Variants in STXBP4 observed in about 807,000 individuals in gnomAD.
The protein encoded by STXBP4 is syntaxin-binding protein 4.
In STXBP4, 55 loss-of-function variants were observed where a neutral mutation model predicts 76.1. That is an observed-to-expected ratio of 0.72 (90% confidence interval 0.58 to 0.91). The LOEUF is 0.91. STXBP4 is among the 40% of genes least tolerant of loss of function. The probability of loss-of-function intolerance (pLI) is 0.00; values close to 1 mark genes in which losing one functional copy is unlikely to be tolerated. For synonymous variants in STXBP4, 201 were observed against 220.2 expected (o/e 0.91, Z 0.77); for missense variants, 618 against 636.9 (o/e 0.97, Z 0.32).
chr17:55,093,938 G>A (rs571358465), intron 16 of STXBP4, among the ~76,000 whole-genome samples: 5 of 152,156 alleles, frequency 3.3e-5, no homozygotes, highest in South Asian at 4.1e-4. Flanking sequence ...AATAGAAAAC[G>A]TAATTGTAGA....
In STXBP4 at chr17:55,085,999, T is replaced by A. The variant is rs373631402; in HGVS notation, c.1489+4816T>A. Among the ~76,000 whole-genome samples the A allele has an allele frequency of 1.5e-3, 222 of 152,278 alleles. 7 individuals carry two copies. The South Asian group carries it at 0.045, about 31-fold the overall frequency. ...TATATCAGACATTTTTATGTTGGGG[T>A]GGCAACAGTGGAGGGAAACACCTGC... On this transcript the variant is annotated intron_variant, in intron 16 of 17. Transcript: ENST00000376352.
At chr17:55,089,383 T>C (rs1467813426) in intron 16 of STXBP4, among the ~76,000 whole-genome samples, 2 of 152,352 alleles carry the variant, frequency 1.3e-5, no homozygotes, top group South Asian at 4.1e-4. Flanking sequence ...ATATGTATCA[T>C]TTAATGTTAT....
chr17:55,091,726 T>A lies in STXBP4; in HGVS notation c.1489+10543T>A, dbSNP rs368265133. On this transcript the variant is annotated intron_variant, in intron 16 of 17. Coordinates refer to ENST00000376352, the MANE Select transcript of STXBP4 (RefSeq NM_178509.6). ...GTGACCAGAATAGTGACACCTTTAC[T>A]TTCTGATGGTTCAATGATCACAAGT... 9.8e-5 allele frequency among the ~76,000 whole-genome samples: 15 copies of A among 152,322 alleles called. No homozygotes were observed. The East Asian group carries it at 2.3e-3, about 23-fold the overall frequency.
At chr17:55,117,454 T>C (rs2079794201) in intron 16 of STXBP4, among the ~76,000 whole-genome samples, 2 of 151,874 alleles carry the variant, frequency 1.3e-5, no homozygotes. Flanking sequence ...GTTAGGAAAC[T>C]GGATCAATTC....
chr17:54,974,078 G>C (rs1230151452), intron 1 of STXBP4, among the ~76,000 whole-genome samples: 1 of 152,094 alleles, frequency 6.6e-6, no homozygotes, highest in Non-Finnish European at 1.5e-5. Context: ...CATAACATAA[G>C]TTAAGGAAAT....
chr17:55,129,074 C>A (rs2079945782), intron 16 of STXBP4, among the ~76,000 whole-genome samples: 1 of 151,782 alleles, frequency 6.6e-6, no homozygotes, highest in South Asian at 2.1e-4. Flanking sequence ...GGACTACAGA[C>A]ACTCGCCACC....
chr17:55,201,677 A>G, the STXBP4 span, among the ~76,000 whole-genome samples: 1 of 152,224 alleles, frequency 6.6e-6, no homozygotes, highest in Non-Finnish European at 1.5e-5. Context: ...GGTCGTAGCA[A>G]AGGAAATGTT....
intron 16 of STXBP4, among the ~76,000 whole-genome samples, chr17:55,107,791 G>T (rs2079654306): frequency 1.3e-5 from 2 of 152,212 alleles, no homozygotes. Flanking sequence ...TTCCCTGGAA[G>T]CTTTGTCCCA....
intron 17 of STXBP4, among the ~76,000 whole-genome samples, chr17:55,152,334 T>G (rs1323907977): frequency 6.6e-6 from 1 of 152,196 alleles, no homozygotes; most frequent in Non-Finnish European, 1.5e-5. Context: ...TGCTACATGA[T>G]GTAAAAAATA....
At chr17:55,024,811 C>A (rs1305113711) in intron 8 of STXBP4, among the ~76,000 whole-genome samples, 3 of 152,138 alleles carry the variant, frequency 2.0e-5, no homozygotes, top group Non-Finnish European at 4.4e-5. Context: ...GAGCCTCCTG[C>A]ATCAGCCCAA....
chr17:54,972,589 C>G (rs1267249174), intron 1 of STXBP4, among the ~76,000 whole-genome samples: 2 of 152,162 alleles, frequency 1.3e-5, no homozygotes, highest in Non-Finnish European at 2.9e-5. Flanking sequence ...ATTCTTTCAT[C>G]ACTTCCTTAT....
intron 16 of STXBP4, among the ~76,000 whole-genome samples, chr17:55,091,364 G>T (rs1273803395): frequency 6.6e-6 from 1 of 150,408 alleles, no homozygotes; most frequent in Admixed American, 6.6e-5. Context: ...TATTTTTTTT[G>T]CAAAAAAGAT....
intron 1 of STXBP4, among the ~76,000 whole-genome samples, chr17:54,983,173 C>A (rs1001655116): frequency 2.6e-5 from 4 of 152,174 alleles, no homozygotes. Flanking sequence ...TCTCCATACT[C>A]CCTGTGTATA....
At chr17:55,075,797 A>C (rs2079174648) in intron 13 of STXBP4, among the ~76,000 whole-genome samples, 1 of 152,104 alleles carries the variant, frequency 6.6e-6, no homozygotes, top group African/African-American at 2.4e-5. Context: ...GGACCAACTG[A>C]CACTAGCTCA....
chr17:55,076,454 T>C (rs889938508), intron 13 of STXBP4, among the ~76,000 whole-genome samples: 3 of 152,180 alleles, frequency 2.0e-5, no homozygotes, highest in African/African-American at 7.2e-5. Context: ...TTGAAATATA[T>C]TTTTGCTACA....
chr17:55,018,239 G>A (rs2078243486), intron 8 of STXBP4, among the ~76,000 whole-genome samples: 1 of 152,196 alleles, frequency 6.6e-6, no homozygotes, highest in South Asian at 2.1e-4. Flanking sequence ...TAGCCGTGCA[G>A]GAACAATGGC....
intron 3 of STXBP4, 127 bp from the exon 4 acceptor site, chr17:54,990,698 C>T: frequency 1.7e-6 from 2 of 1,151,736 alleles, no homozygotes; most frequent in Non-Finnish European, 2.4e-6. Flanking sequence ...GAAACAAGTC[C>T]CTGGTACCAA....
At chr17:55,185,241 T>TCC in the STXBP4 span, among the ~76,000 whole-genome samples, 2 of 53,598 alleles carry the variant, frequency 3.7e-5, no homozygotes, top group Admixed American at 1.6e-4. Flanking sequence ...CTTCTTCTTC[T>TCC]TCTTCTTCTC....
At chr17:54,975,873 T>C (rs2077466261) in intron 1 of STXBP4, among the ~76,000 whole-genome samples, 1 of 151,450 alleles carries the variant, frequency 6.6e-6, no homozygotes, top group African/African-American at 2.4e-5. Flanking sequence ...GTCCCTCAGC[T>C]TTTTTCACAG....
Sources: allele counts gnomAD v4.1 joint callset (sites outside exome capture counted in the v4.1 genomes callset), GRCh38; gene constraint gnomAD v4.1.1; transcripts MANE v1.5; gene names NCBI Gene and HGNC (gene_info 2026-07-23, HGNC 2026-07-21).